PRKAG2: variants seen among roughly 807,000 people sequenced by gnomAD.
The protein encoded by PRKAG2 is protein kinase AMP-activated non-catalytic subunit gamma 2, also known as 5'-AMP-activated protein kinase subunit gamma-2.
A neutral mutation model predicts 69.6 loss-of-function variants in PRKAG2; 26 were observed. The observed-to-expected ratio is 0.37, with a 90% CI of 0.27 to 0.52. The LOEUF is 0.52. PRKAG2 is among the 20% of genes least tolerant of loss of function. The pLI is 0.90. For synonymous variants in PRKAG2, 293 were observed against 285.0 expected (o/e 1.03, Z -0.28); for missense variants, 557 against 740.0 (o/e 0.75, Z 2.87).
At chr7:151,570,056 G>A (rs1048114008) in intron 10 of PRKAG2, 115 bp downstream of exon 10, 2 of 1,234,986 alleles carry the variant, frequency 1.6e-6, no homozygotes, top group African/African-American at 1.5e-5. Context: ...TGGAATTAAG[G>A]AGGCAGGCCC....
chr7:151,820,503 C>CAACTTCACG (rs1563728081), intron 1 of PRKAG2, among the ~76,000 whole-genome samples: 36 of 93,316 alleles, frequency 3.9e-4, no homozygotes, highest in East Asian at 2.8e-3. Context: ...GCTCCGTGGC[C>CAACTTCACG]TGGCCCCTGT....
chr7:151,617,279 G>GGAGGGAGA (rs1278754992), intron 5 of PRKAG2, among the ~76,000 whole-genome samples: 3 of 92,646 alleles, frequency 3.2e-5, no homozygotes, highest in African/African-American at 1.4e-4. Context: ...AGGGAGGGAG[G>GGAGGGAGA]GAAAGAGGGA....
chr7:151,710,148 CCT>C (rs1459790056), intron 3 of PRKAG2, among the ~76,000 whole-genome samples: 1 of 152,150 alleles, frequency 6.6e-6, no homozygotes, highest in Non-Finnish European at 1.5e-5. Context: ...CCGCCTCTCC[CCT>C]GAGCTGAGGC....
At chr7:151,689,715 A>T (rs1363411804) in intron 3 of PRKAG2, among the ~76,000 whole-genome samples, 1 of 152,146 alleles carries the variant, frequency 6.6e-6, no homozygotes, top group East Asian at 1.9e-4. Context: ...TGGGACTCCA[A>T]CCAGGGCTCT....
At chr7:151,738,937 G>T (rs2073669835) in intron 3 of PRKAG2, among the ~76,000 whole-genome samples, 1 of 152,182 alleles carries the variant, frequency 6.6e-6, no homozygotes, top group South Asian at 2.1e-4. Context: ...GCAACAGGAA[G>T]GAGGGCCAAG....
chr7:151,820,754 G>A (rs2078750745), intron 1 of PRKAG2, among the ~76,000 whole-genome samples: 1 of 152,234 alleles, frequency 6.6e-6, no homozygotes. Flanking sequence ...CTGGAGATGA[G>A]CGCCACCTTC....
chr7:151,640,512 T>C (rs1826495734), intron 4 of PRKAG2, among the ~76,000 whole-genome samples: 1 of 152,184 alleles, frequency 6.6e-6, no homozygotes, highest in African/African-American at 2.4e-5. Context: ...ATACACTCCC[T>C]GCTGTAAGGG....
chr7:151,809,248 G>C, intron 1 of PRKAG2: 2 of 456,708 alleles, frequency 4.4e-6, no homozygotes, highest in South Asian at 3.1e-5. Flanking sequence ...TTTCAAAACA[G>C]GTGAATCCCT....
intron 3 of PRKAG2, among the ~76,000 whole-genome samples, chr7:151,747,667 T>C (rs887425166): frequency 2.0e-5 from 3 of 152,232 alleles, no homozygotes; most frequent in African/African-American, 7.2e-5. Context: ...TCCAGATATC[T>C]AGAAAGTTAG....
At chr7:151,750,549 G>A (rs2074598538) in intron 3 of PRKAG2, among the ~76,000 whole-genome samples, 1 of 152,236 alleles carries the variant, frequency 6.6e-6, no homozygotes, top group Non-Finnish European at 1.5e-5. Context: ...TGCAGAATAG[G>A]CAAGTCCAGA....
intron 3 of PRKAG2, among the ~76,000 whole-genome samples, chr7:151,684,018 T>C (rs1488835096): frequency 6.6e-6 from 1 of 152,176 alleles, no homozygotes; most frequent in Non-Finnish European, 1.5e-5. Context: ...CCGCAGGTTT[T>C]ACCTTCCACC....
Position 151,750,347 on chromosome 7 carries a change from C to T in PRKAG2, c.466+30805G>A, listed in dbSNP as rs567840117. ...CTCTATTCACAAAAGGTGGAAACAA[C>T]CCAAATGGCCACCAGTGGATGACTG... On this transcript the variant is annotated intron_variant, in intron 3 of 15. Transcript: ENST00000287878. 1.3e-3 allele frequency among the ~76,000 whole-genome samples: 194 copies of T among 152,236 alleles called. 4 individuals carry two copies. The highest frequency in any genetic ancestry group is 1.2e-3 in the South Asian group (6 of 4,822).
At chr7:151,800,889 C>T (rs1160276745) in intron 1 of PRKAG2, among the ~76,000 whole-genome samples, 2 of 152,150 alleles carry the variant, frequency 1.3e-5, no homozygotes, top group African/African-American at 4.8e-5. Flanking sequence ...AGAGGTGCCA[C>T]AGTAATGCCA....
At chr7:151,799,073 T>G (rs1047437655) in intron 1 of PRKAG2, among the ~76,000 whole-genome samples, 6 of 152,060 alleles carry the variant, frequency 3.9e-5, no homozygotes, top group African/African-American at 1.5e-4. Context: ...TGTTCCCAAC[T>G]GGCCCGGGCC....
chr7:151,765,556 C>T (rs937300305), intron 3 of PRKAG2, among the ~76,000 whole-genome samples: 2 of 152,192 alleles, frequency 1.3e-5, no homozygotes, highest in East Asian at 1.9e-4. Flanking sequence ...CCCGTCTCAG[C>T]TCCACCAGCT....
intron 6 of PRKAG2, among the ~76,000 whole-genome samples, chr7:151,582,636 C>T (rs943534446): frequency 2.6e-5 from 4 of 152,240 alleles, no homozygotes; most frequent in Admixed American, 2.0e-4. Context: ...AGCTAAGGTG[C>T]TACACCTACT....
chr7:151,686,524 A>G (rs1212732868), intron 3 of PRKAG2, among the ~76,000 whole-genome samples: 1 of 152,116 alleles, frequency 6.6e-6, no homozygotes, highest in Non-Finnish European at 1.5e-5. Flanking sequence ...GTCCCCGGGT[A>G]CCAGGCGTTT....
chr7:151,765,519 T>C (rs7799154), intron 3 of PRKAG2, among the ~76,000 whole-genome samples: 104,352 of 152,066 alleles, frequency 0.69, 36,540 homozygotes, highest in East Asian at 0.94. Flanking sequence ...GCCCTGCAGC[T>C]TCAGGGATCA....
At chr7:151,684,937 C>G (rs1393378188) in intron 3 of PRKAG2, among the ~76,000 whole-genome samples, 1 of 152,168 alleles carries the variant, frequency 6.6e-6, no homozygotes, top group Non-Finnish European at 1.5e-5. Flanking sequence ...TGGTCACCCC[C>G]AAGACAAGCT....
Sources: allele counts gnomAD v4.1 joint callset (sites outside exome capture counted in the v4.1 genomes callset), GRCh38; gene constraint gnomAD v4.1.1; transcripts MANE v1.5; gene names NCBI Gene and HGNC (gene_info 2026-07-23, HGNC 2026-07-21).